The following PPFIBP1 variants were observed in gnomAD, a reference collection of about 807,000 sequenced individuals.
PPFIBP1 encodes the protein PPFIB scaffold protein 1.
In PPFIBP1, 112 loss-of-function variants were observed where a neutral mutation model predicts 137.8. The observed-to-expected ratio is 0.81, with a 90% CI of 0.70 to 0.95. PPFIBP1 has a LOEUF of 0.95. Ranked by LOEUF, PPFIBP1 falls within the 40% of genes least tolerant of loss-of-function variation. PPFIBP1 has a pLI of 0.00. For missense variants in PPFIBP1, 1,083 were observed against 1,196.6 expected (o/e 0.91, Z 1.40); for synonymous variants, 378 against 417.3 (o/e 0.91, Z 1.15).
At chr12:27,615,396 G>T (rs755387428) in intron 2 of PPFIBP1, among the ~76,000 whole-genome samples, 1 of 152,154 alleles carries the variant, frequency 6.6e-6, no homozygotes, top group Non-Finnish European at 1.5e-5. Flanking sequence ...CCAACAGAGG[G>T]GTGGGTGGAA....
At chr12:27,661,721 A>C (rs1476737531) in intron 11 of PPFIBP1, among the ~76,000 whole-genome samples, 1 of 152,230 alleles carries the variant, frequency 6.6e-6, no homozygotes, top group African/African-American at 2.4e-5. Flanking sequence ...AAAAACAACA[A>C]AAAGTCAAAG....
chr12:27,592,814 T>A (rs996255950), intron 2 of PPFIBP1: 1 of 655,982 alleles, frequency 1.5e-6, no homozygotes, highest in Non-Finnish European at 2.7e-6. Context: ...CAACATTTAC[T>A]CATTTATGGA....
In PPFIBP1 at chr12:27,542,705, T is replaced by C. The variant is rs554968630; in HGVS notation, c.-124+18340T>C. ...AACACTTCTTTATCTGATCTATTTATTTTTCTGTTGAGTAGACTTTCTTTT... is the reference window on the plus strand; with the variant it reads ...AACACTTCTTTATCTGATCTATTTACTTTTCTGTTGAGTAGACTTTCTTTT... On this transcript the variant is annotated intron_variant, in intron 1 of 29. Transcript: ENST00000228425. 1.4e-4 allele frequency among the ~76,000 whole-genome samples: 21 copies of C among 151,644 alleles called. No individual in the cohort carries two copies. In the East Asian group the frequency reaches 3.9e-3, roughly 28 times the overall value.
Position 27,647,821 on chromosome 12 carries a change from C to T in PPFIBP1, c.450C>T (p.Ala150=), listed in dbSNP as rs1285845841. The stretch of plus-strand genomic sequence containing the variant: ...AAGAGCACAGAGAGAAGGTGAATGC[C>T]ACAGAAGAAATGCTGCAGCAGGTAT... ...CLEEHREKVN[A]TEEMLQQELL... The change falls in exon 6 of 30, where the codon GCC becomes GCT. Residue 150 remains alanine, a synonymous_variant. Transcript: ENST00000228425. The T allele has an allele frequency of 1.2e-6, 2 of 1,611,728 alleles. No homozygotes were observed. The highest frequency in any genetic ancestry group is 1.7e-6 in the Non-Finnish European group (2 of 1,179,084).
intron 1 of PPFIBP1, among the ~76,000 whole-genome samples, chr12:27,570,792 A>T (rs543586504): frequency 6.6e-6 from 1 of 152,274 alleles, no homozygotes; most frequent in East Asian, 1.9e-4. Context: ...GGGCGCCTGT[A>T]GTCCCAGCTA....
intron 2 of PPFIBP1, among the ~76,000 whole-genome samples, chr12:27,601,096 G>A (rs1182100755): frequency 1.3e-5 from 2 of 152,038 alleles, no homozygotes; most frequent in African/African-American, 4.8e-5. Context: ...CTTTGTACCT[G>A]TTGACAAACA....
chr12:27,637,644 G>T (rs1246554464), intron 4 of PPFIBP1, among the ~76,000 whole-genome samples: 1 of 152,060 alleles, frequency 6.6e-6, no homozygotes, highest in East Asian at 1.9e-4. Context: ...AGAATGACAG[G>T]ATGAAAGAAG....
rs1406364056 is a variant in PPFIBP1 at position 27,524,255 on chromosome 12, G to T, written c.-234G>T. The T allele has an allele frequency of 6.5e-6, 1 of 153,738 alleles. No individual in the cohort carries two copies. The highest frequency in any genetic ancestry group is 6.5e-5 in the Admixed American group (1 of 15,292). The allele number at this position is 153,738 out of a possible 1,614,324, so 9.5% of individuals were successfully genotyped here. On this transcript the variant is annotated 5_prime_UTR_variant, in exon 1 of 30. The change creates a new upstream start codon in the 5' untranslated region. Transcript: ENST00000228425. ...GGCAGGGTGGGGAAAGGACGGGGAA[G>T]GACTCGTGTGCTGCGAGCTGGCGGC...
intron 2 of PPFIBP1, chr12:27,592,765 G>T: frequency 1.2e-6 from 1 of 840,512 alleles, no homozygotes. Flanking sequence ...AGAAAATAAA[G>T]AATATGTTAG....
At chr12:27,670,541 C>A (rs1227226516) in intron 13 of PPFIBP1, among the ~76,000 whole-genome samples, 3 of 152,106 alleles carry the variant, frequency 2.0e-5, no homozygotes, top group Admixed American at 2.0e-4. Flanking sequence ...CTTTGGGAGG[C>A]TGAGGCAGGA....
At chr12:27,658,028 T>G (rs1379373736) in intron 9 of PPFIBP1, among the ~76,000 whole-genome samples, 1 of 151,170 alleles carries the variant, frequency 6.6e-6, no homozygotes, top group Non-Finnish European at 1.5e-5. Context: ...CCCACCTACT[T>G]GGGAGGCTGA....
intron 1 of PPFIBP1, among the ~76,000 whole-genome samples, chr12:27,571,953 A>G (rs1471648431): frequency 1.3e-5 from 2 of 152,196 alleles, no homozygotes; most frequent in African/African-American, 2.4e-5. Flanking sequence ...AACATATTTC[A>G]GGACATTTAT....
At chr12:27,545,897 T>C (rs1785336969) in intron 1 of PPFIBP1, among the ~76,000 whole-genome samples, 1 of 152,206 alleles carries the variant, frequency 6.6e-6, no homozygotes, top group Non-Finnish European at 1.5e-5. Flanking sequence ...TAGTCAGAGA[T>C]GTTGGACACG....
chr12:27,664,440 A>T lies in PPFIBP1; in HGVS notation c.985A>T (p.Lys329Ter), dbSNP rs1242329162. 6.2e-7 allele frequency: 1 copy of T among 1,606,250 alleles called. No homozygotes were observed. Among genetic ancestry groups the T allele is most frequent in the Non-Finnish European group, 8.5e-7 (1 of 1,174,772 alleles). ...MQDTVVLAQG[K>*]KGKDGEYEEL... ...AGACACGGTGGTACTGGCCCAAGGT[A>T]AAAAAGGTAGAGTGTAGCTCTAAAA... Residue 329 changes from lysine to a stop codon, truncating the protein, a stop_gained, in exon 12 of 30, where the codon AAA (lysine) becomes TAA (stop). Coordinates refer to ENST00000228425, the MANE Select transcript of PPFIBP1 (RefSeq NM_003622.4). LOFTEE classifies it high-confidence loss of function.
chr12:27,656,827 C>A, intron 9 of PPFIBP1, 97 bp downstream of exon 9: 1 of 826,404 alleles, frequency 1.2e-6, no homozygotes. Context: ...GTTTTAGCAT[C>A]AAAGAAAGAG....
intron 2 of PPFIBP1, among the ~76,000 whole-genome samples, chr12:27,580,731 G>T (rs1314626771): frequency 6.6e-6 from 1 of 152,138 alleles, no homozygotes; most frequent in Non-Finnish European, 1.5e-5. Flanking sequence ...GAGGAAGGAT[G>T]CAAGGAAACA....
rs767169374 is a variant in PPFIBP1, at chr12:27,662,234, C to A, written c.906+1289C>A. Among the ~76,000 whole-genome samples, 7 of 152,248 alleles carry A rather than the reference C, an allele frequency of 4.6e-5. No homozygotes were observed. In the East Asian group the frequency reaches 7.7e-4, roughly 17 times the overall value. ...CCATGAATCAAAACTTGTCTCGAGA[C>A]CAGGTTTGAAACAGCGCAGTGCATG... On this transcript the variant is annotated intron_variant, in intron 11 of 29. Transcript: ENST00000228425.
chr12:27,568,311 C>A (rs1338121979), intron 1 of PPFIBP1, among the ~76,000 whole-genome samples: 1 of 152,162 alleles, frequency 6.6e-6, no homozygotes, highest in Non-Finnish European at 1.5e-5. Flanking sequence ...CTTTTAATCT[C>A]AAAAAGTACT....
chr12:27,607,973 ACATT>A (rs769125645), intron 2 of PPFIBP1, among the ~76,000 whole-genome samples: 162 of 152,286 alleles, frequency 1.1e-3, no homozygotes, highest in Non-Finnish European at 2.0e-3. Context: ...CAGTACACAG[ACATT>A]CCAATTTGTA....
Sources: allele counts gnomAD v4.1 joint callset (sites outside exome capture counted in the v4.1 genomes callset), GRCh38; gene constraint gnomAD v4.1.1; transcripts MANE v1.5; gene names NCBI Gene and HGNC (gene_info 2026-07-23, HGNC 2026-07-21).